Variants in SLC35F3 observed in about 807,000 individuals in gnomAD.
SLC35F3 encodes putative thiamine transporter SLC35F3.
Under a neutral mutation model 49.9 loss-of-function variants are expected in SLC35F3, and 25 were observed. The ratio of observed to expected loss-of-function variants is 0.50; its 90% CI spans 0.37 to 0.70. The LOEUF is 0.70. SLC35F3 is among the 30% of genes least tolerant of loss of function. The pLI is 0.00. For missense variants in SLC35F3, 525 were observed against 639.8 expected, an observed-to-expected ratio of 0.82 and a Z score of 1.94; for synonymous variants, 275 against 265.4, an observed-to-expected ratio of 1.04 and a Z score of -0.35.
chr1:234,008,991 A>G (rs1663673261), intron 2 of SLC35F3, among the ~76,000 whole-genome samples: 3 of 152,138 alleles, frequency 2.0e-5, no homozygotes, highest in Admixed American at 6.5e-5. Flanking sequence ...CATATCACTC[A>G]CCTACACAGA....
intron 2 of SLC35F3, among the ~76,000 whole-genome samples, chr1:234,106,807 A>G (rs911997228): frequency 1.3e-5 from 2 of 152,170 alleles, no homozygotes; most frequent in African/African-American, 4.8e-5. Context: ...ATTGCAACCA[A>G]CAGGGTTCCA....
intron 2 of SLC35F3, among the ~76,000 whole-genome samples, chr1:233,975,948 C>T (rs906503833): frequency 4.6e-5 from 7 of 151,902 alleles, no homozygotes; most frequent in African/African-American, 9.7e-5. Context: ...TTTATATGTG[C>T]GTGAGTTAGA....
intron 2 of SLC35F3, among the ~76,000 whole-genome samples, chr1:234,183,858 C>T (rs1217057448): frequency 7.0e-6 from 1 of 142,822 alleles, no homozygotes; most frequent in Non-Finnish European, 1.5e-5. Flanking sequence ...TTCCTCTCTC[C>T]ATTCATTCAT....
intron 3 of SLC35F3, 96 bp from the exon 4 acceptor site, chr1:234,309,005 T>C (rs1048844820): frequency 3.7e-6 from 3 of 815,428 alleles, no homozygotes; most frequent in Non-Finnish European, 5.5e-6. Flanking sequence ...TGCCCCTTCC[T>C]ATATTTGCTT....
At chr1:234,119,518 A>G (rs1665542241) in intron 2 of SLC35F3, among the ~76,000 whole-genome samples, 1 of 152,194 alleles carries the variant, frequency 6.6e-6, no homozygotes, top group South Asian at 2.1e-4. Context: ...TAGCATCACA[A>G]AAGCTTCCAA....
At chr1:234,094,182 A>G (rs72756200) in intron 2 of SLC35F3, among the ~76,000 whole-genome samples, 15 of 152,278 alleles carry the variant, frequency 9.9e-5, no homozygotes, top group Non-Finnish European at 1.9e-4. Flanking sequence ...TTCTCTTTCC[A>G]CCAGTAACTT....
At chr1:234,121,340 A>G (rs982953221) in intron 2 of SLC35F3, among the ~76,000 whole-genome samples, 3 of 151,688 alleles carry the variant, frequency 2.0e-5, no homozygotes, top group African/African-American at 4.8e-5. Context: ...GGGTTTCACC[A>G]TGTTAGCCAG....
At chr1:233,999,549 T>A (rs765195562) in intron 2 of SLC35F3, among the ~76,000 whole-genome samples, 6 of 152,294 alleles carry the variant, frequency 3.9e-5, no homozygotes, top group Non-Finnish European at 8.8e-5. Flanking sequence ...TTTCAGCACA[T>A]GTTCAGCTTT....
chr1:234,308,297 C>G (rs1199159345), intron 3 of SLC35F3, among the ~76,000 whole-genome samples: 1 of 152,158 alleles, frequency 6.6e-6, no homozygotes, highest in African/African-American at 2.4e-5. Flanking sequence ...AAAGATAATT[C>G]CAACTGAGGG....
chr1:233,935,657 T>G (rs1451959550), intron 2 of SLC35F3, among the ~76,000 whole-genome samples: 2 of 152,200 alleles, frequency 1.3e-5, no homozygotes, highest in Non-Finnish European at 1.5e-5. Flanking sequence ...AAGCTTATGT[T>G]GCCTTGAGAG....
At chr1:233,952,504 T>C (rs1446344345) in intron 2 of SLC35F3, among the ~76,000 whole-genome samples, 1 of 152,186 alleles carries the variant, frequency 6.6e-6, no homozygotes, top group Non-Finnish European at 1.5e-5. Context: ...TGGTTTTTCA[T>C]AGGGCAAAGT....
chr1:234,191,626 C>CA (rs1558255434), intron 2 of SLC35F3, among the ~76,000 whole-genome samples: 1 of 129,158 alleles, frequency 7.7e-6, no homozygotes, highest in African/African-American at 4.4e-5. Context: ...ATTGAAACAA[C>CA]AACAAAAAAA....
intron 2 of SLC35F3, among the ~76,000 whole-genome samples, chr1:233,907,356 A>G (rs1661793584): frequency 6.6e-6 from 1 of 152,254 alleles, no homozygotes; most frequent in South Asian, 2.1e-4. Context: ...CAGAGAGCTT[A>G]CAGCAGTGAT....
Position 234,322,650 on chromosome 1 carries a change from CGTGTGTGT to C in SLC35F3, c.1238-329_1238-322del, listed in dbSNP as rs55827503. Among the ~76,000 whole-genome samples, 418 of 144,950 alleles carry C rather than the reference CGTGTGTGT, an allele frequency of 2.9e-3. 2 individuals are homozygous for C. Among genetic ancestry groups the C allele is most frequent in the African/African-American group, 9.0e-3 (351 of 38,924 alleles). On this transcript the variant is annotated intron_variant, in intron 7 of 7. Transcript: ENST00000366618. ...ACCCATGTTGTTCAAGGGTCAAATGCGTGTGTGTGTGTGTGTGTGTGTGTGTGTGTGTG... is the reference window on the plus strand; with the variant it reads ...ACCCATGTTGTTCAAGGGTCAAATGCGTGTGTGTGTGTGTGTGTGTGTGTG...
chr1:234,038,693 T>C (rs890682707), intron 2 of SLC35F3, among the ~76,000 whole-genome samples: 3 of 152,202 alleles, frequency 2.0e-5, no homozygotes, highest in Non-Finnish European at 4.4e-5. Flanking sequence ...TGGGGAACCA[T>C]TGAAGGGCTC....
At chr1:233,938,628 A>T (rs545828330) in intron 2 of SLC35F3, among the ~76,000 whole-genome samples, 1 of 151,818 alleles carries the variant, frequency 6.6e-6, no homozygotes, top group African/African-American at 2.4e-5. Context: ...ATGGATGGAT[A>T]GATGGATGGA....
chr1:234,050,702 A>T (rs1330582551), intron 2 of SLC35F3, among the ~76,000 whole-genome samples: 1 of 152,150 alleles, frequency 6.6e-6, no homozygotes. Context: ...TTAGTCATGA[A>T]ATCCTTGCCC....
intron 2 of SLC35F3, among the ~76,000 whole-genome samples, chr1:234,171,948 C>G (rs1326499912): frequency 6.6e-6 from 1 of 152,088 alleles, no homozygotes; most frequent in Non-Finnish European, 1.5e-5. Flanking sequence ...CAGTTATCCC[C>G]CTCACCCCCC....
intron 2 of SLC35F3, among the ~76,000 whole-genome samples, chr1:234,143,439 C>T (rs1189285829): frequency 6.6e-6 from 1 of 151,994 alleles, no homozygotes; most frequent in Non-Finnish European, 1.5e-5. Context: ...TAGGTGCACA[C>T]CATCATGCCC....
Sources: gnomAD v4.1 joint callset for allele counts (sites outside exome capture counted in the v4.1 genomes callset) on GRCh38, gnomAD v4.1.1 for gene constraint, MANE v1.5 for transcripts, NCBI Gene and HGNC (gene_info 2026-07-23, HGNC 2026-07-21) for gene names.